FRMD4A: variants seen among roughly 807,000 people sequenced by gnomAD.
The protein encoded by FRMD4A is FERM domain containing 4A, also known as FERM domain-containing protein 4A.
FRMD4A carries 29 observed loss-of-function variants against 129.1 expected under a neutral mutation model. That is an observed-to-expected ratio of 0.22 (90% CI 0.17 to 0.31). The LOEUF (loss-of-function observed/expected upper bound fraction) is 0.31. Among genes scored for constraint, FRMD4A ranks in the 10% least tolerant of loss-of-function variants. FRMD4A has a pLI of 1.00. For synonymous variants in FRMD4A, 634 were observed against 571.6 expected, an observed-to-expected ratio of 1.11 and a Z score of -1.56; for missense variants, 1,272 against 1,375.8, an observed-to-expected ratio of 0.92 and a Z score of 1.19.
intron 2 of FRMD4A, among the ~76,000 whole-genome samples, chr10:13,924,110 C>T (rs2095103506): frequency 6.6e-6 from 1 of 152,172 alleles, no homozygotes; most frequent in Admixed American, 6.5e-5. Flanking sequence ...TGTTATTCCC[C>T]ACTTTTATAC....
chr10:14,012,831 C>T (rs1040740682), intron 2 of FRMD4A, among the ~76,000 whole-genome samples: 36 of 152,134 alleles, frequency 2.4e-4, no homozygotes, highest in African/African-American at 8.7e-4. Context: ...CCTGTCTGTC[C>T]CCTGGAAGTC....
chr10:13,915,938 G>T (rs2094998658), intron 2 of FRMD4A, among the ~76,000 whole-genome samples: 2 of 152,188 alleles, frequency 1.3e-5, no homozygotes, highest in African/African-American at 4.8e-5. Flanking sequence ...GCTCCAGTTG[G>T]GGGGTTGGCT....
At position 14,314,430 on chromosome 10, in the gene FRMD4A, G is replaced by A. The variant is rs142731771; in HGVS notation, c.45+15628C>T. Among the ~76,000 whole-genome samples the A allele has an allele frequency of 6.5e-3, 992 of 152,244 alleles. 7 individuals carry two copies. The highest frequency in any genetic ancestry group is 0.017 in the Middle Eastern group (5 of 294). On this transcript the variant is annotated intron_variant, in intron 2 of 24. Transcript: ENST00000357447. ...GGAAGGCATCCTGGTGAGGGGTTAT[G>A]GGAGGAGGCTATGTGAGCTAACCTG...
At chr10:14,165,624 G>C (rs1035102901) in intron 2 of FRMD4A, among the ~76,000 whole-genome samples, 1 of 152,134 alleles carries the variant, frequency 6.6e-6, no homozygotes, top group African/African-American at 2.4e-5. Context: ...CATCAACAAC[G>C]ACTGGATAAA....
intron 2 of FRMD4A, among the ~76,000 whole-genome samples, chr10:14,121,122 C>G (rs1838488055): frequency 6.6e-6 from 1 of 152,124 alleles, no homozygotes; most frequent in Non-Finnish European, 1.5e-5. Flanking sequence ...AATCCCAGCA[C>G]TTTGAAAGGT....
rs1449369919 is a variant in FRMD4A at position 14,222,423 on chromosome 10, A to G, written c.45+107635T>C. Reference sequence around the variant, plus strand: ...TACCTGGAGAAGGTAAGTGATGTCTATCCAGTTGCCCAATCATCAGAATCA... The same window carrying G: ...TACCTGGAGAAGGTAAGTGATGTCTGTCCAGTTGCCCAATCATCAGAATCA... On this transcript the variant is annotated intron_variant, in intron 2 of 24. Coordinates refer to ENST00000357447, the MANE Select transcript of FRMD4A (RefSeq NM_018027.5). Among the ~76,000 whole-genome samples, 3 of 152,316 alleles carry G rather than the reference A, an allele frequency of 2.0e-5. No homozygotes were observed. In the East Asian group the frequency reaches 5.8e-4, roughly 29 times the overall value.
intron 2 of FRMD4A, among the ~76,000 whole-genome samples, chr10:13,911,958 CA>C (rs1589248172): frequency 6.6e-6 from 1 of 152,160 alleles, no homozygotes; most frequent in East Asian, 1.9e-4. Context: ...TCTAGGTCCT[CA>C]AAATACTGAA....
intron 6 of FRMD4A, among the ~76,000 whole-genome samples, chr10:13,781,266 T>C (rs1474955677): frequency 8.5e-6 from 1 of 118,324 alleles, no homozygotes; most frequent in Non-Finnish European, 1.6e-5. Flanking sequence ...ATTGCACCAC[T>C]GAACTCCAGC....
chr10:14,257,062 C>T (rs1217811787), intron 2 of FRMD4A, among the ~76,000 whole-genome samples: 3 of 152,128 alleles, frequency 2.0e-5, no homozygotes, highest in South Asian at 4.1e-4. Flanking sequence ...GGTGTAGTGG[C>T]TCACACCTGT....
chr10:14,138,632 C>T (rs149276744), intron 2 of FRMD4A, among the ~76,000 whole-genome samples: 2,637 of 151,904 alleles, frequency 0.017, 65 homozygotes, highest in African/African-American at 0.06. Context: ...TGGTGGTGCG[C>T]GCCTGTAATC....
chr10:14,135,956 A>G (rs749146715), intron 2 of FRMD4A, among the ~76,000 whole-genome samples: 9 of 152,296 alleles, frequency 5.9e-5, no homozygotes, highest in Admixed American at 3.3e-4. Context: ...AACTTATTCT[A>G]AACATACCGT....
Position 14,146,752 on chromosome 10 carries a change from T to C in FRMD4A, c.45+183306A>G, listed in dbSNP as rs566155052. Among the ~76,000 whole-genome samples, 3 of 152,318 alleles carry C rather than the reference T, an allele frequency of 2.0e-5. No homozygotes were observed. The East Asian group carries it at 5.8e-4, about 29-fold the overall frequency. On this transcript the variant is annotated intron_variant, in intron 2 of 24. Transcript: ENST00000357447. The stretch of plus-strand genomic sequence containing the variant: ...ACTTTCTCCAAGGCTAGCTGTCAGC[T>C]TGGGGGACAGGGACAACCATGAATT...
At chr10:13,650,434 G>GTGTATGTA (rs2081474726) in intron 24 of FRMD4A, among the ~76,000 whole-genome samples, 1 of 152,122 alleles carries the variant, frequency 6.6e-6, no homozygotes, top group Admixed American at 6.5e-5. Flanking sequence ...GTATGTATTC[G>GTGTATGTA]TGTATGTATG....
intron 2 of FRMD4A, among the ~76,000 whole-genome samples, chr10:14,189,917 T>A (rs956027398): frequency 6.6e-5 from 10 of 152,108 alleles, no homozygotes; most frequent in African/African-American, 2.4e-4. Flanking sequence ...CAGGAGAGAT[T>A]TCTATCTATC....
At chr10:13,905,395 G>T (rs1006900156) in intron 2 of FRMD4A, among the ~76,000 whole-genome samples, 4 of 152,082 alleles carry the variant, frequency 2.6e-5, no homozygotes, top group African/African-American at 9.7e-5. Flanking sequence ...TGTGGTTTTG[G>T]GAAGGTAGGC....
intron 2 of FRMD4A, among the ~76,000 whole-genome samples, chr10:14,145,544 T>G (rs1156834516): frequency 6.6e-6 from 1 of 152,166 alleles, no homozygotes; most frequent in East Asian, 1.9e-4. Flanking sequence ...CTGTTTTACA[T>G]ACACAAATGA....
chr10:13,675,128 T>G, intron 15 of FRMD4A, 84 bp from the exon 16 acceptor site: 1 of 1,277,346 alleles, frequency 7.8e-7, no homozygotes, highest in South Asian at 1.2e-5. Context: ...GAGCCCATGC[T>G]GCGGAGATGG....
Position 13,821,137 on chromosome 10 carries a change from G to A in FRMD4A, c.112-10229C>T, listed in dbSNP as rs923062683. Among the ~76,000 whole-genome samples, 3 of 152,092 alleles carry A rather than the reference G, an allele frequency of 2.0e-5. No homozygotes were observed. The highest frequency in any genetic ancestry group is 2.0e-4 in the Admixed American group (3 of 15,278). ...ATTCCCGGGGAGGGGAAGCTGCTGC[G>A]GGGGGTGCATGAGGTGACTCTGTGC... On this transcript the variant is annotated intron_variant, in intron 3 of 24. Transcript: ENST00000357447. The surrounding 1 kb of genome is among the most constrained non-coding windows in gnomAD (Gnocchi z 4.3).
intron 2 of FRMD4A, among the ~76,000 whole-genome samples, chr10:13,894,982 A>T (rs1401541728): frequency 6.6e-6 from 1 of 152,188 alleles, no homozygotes; most frequent in Non-Finnish European, 1.5e-5. Flanking sequence ...GGGGACAATA[A>T]TATTGCCTAC....
Sources: gnomAD v4.1 joint callset for allele counts (sites outside exome capture counted in the v4.1 genomes callset) on GRCh38, gnomAD v4.1.1 for gene constraint, Gnocchi (gnomAD v3.1) non-coding constraint, MANE v1.5 for transcripts, NCBI Gene and HGNC (gene_info 2026-07-23, HGNC 2026-07-21) for gene names.